Variants in BTBD9 observed in about 807,000 individuals in gnomAD.
BTBD9 encodes BTB/POZ domain-containing protein 9.
BTBD9 carries 49 observed loss-of-function variants against 64.3 expected under a neutral mutation model. That is an observed-to-expected ratio of 0.76 (90% CI 0.61 to 0.97). BTBD9 has a LOEUF of 0.97. BTBD9 is among the 50% of genes least tolerant of loss of function. The probability of loss-of-function intolerance (pLI) is 0.00; values close to 1 mark genes in which losing one functional copy is unlikely to be tolerated. For synonymous variants in BTBD9, 260 were observed against 274.7 expected (o/e 0.95, Z 0.53); for missense variants, 598 against 762.1 (o/e 0.78, Z 2.53).
At chr6:38,364,577 TA>T (rs1316178458) in intron 6 of BTBD9, among the ~76,000 whole-genome samples, 2 of 152,198 alleles carry the variant, frequency 1.3e-5, no homozygotes, top group African/African-American at 4.8e-5. Flanking sequence ...CCAGGAGATT[TA>T]AAAAACTGCA....
chr6:38,320,650 A>G (rs779906261), intron 7 of BTBD9, among the ~76,000 whole-genome samples: 1 of 152,194 alleles, frequency 6.6e-6, no homozygotes, highest in Non-Finnish European at 1.5e-5. Flanking sequence ...ACCTATAAAG[A>G]TAATAATCCC....
At chr6:38,274,329 G>T (rs1384244596) in intron 8 of BTBD9, among the ~76,000 whole-genome samples, 1 of 152,120 alleles carries the variant, frequency 6.6e-6, no homozygotes, top group East Asian at 1.9e-4. Flanking sequence ...CTGCAAACAG[G>T]GACAATTTGA....
At chr6:38,349,221 C>G (rs1356595708) in intron 6 of BTBD9, among the ~76,000 whole-genome samples, 2 of 152,100 alleles carry the variant, frequency 1.3e-5, no homozygotes, top group African/African-American at 4.8e-5. Context: ...GTTTCCTCCT[C>G]TATAAAATGA....
intron 6 of BTBD9, among the ~76,000 whole-genome samples, chr6:38,577,397 G>A (rs146435409): frequency 6.6e-6 from 1 of 152,192 alleles, no homozygotes; most frequent in East Asian, 1.9e-4. Flanking sequence ...TACAAGACAT[G>A]TTGTATAAAT....
chr6:38,585,879 T>C (rs944761916), intron 4 of BTBD9, among the ~76,000 whole-genome samples: 3 of 150,934 alleles, frequency 2.0e-5, no homozygotes, highest in African/African-American at 7.3e-5. Context: ...AATATCACAG[T>C]TGCAAGCTCC....
intron 6 of BTBD9, among the ~76,000 whole-genome samples, chr6:38,521,681 T>A (rs1056790754): frequency 6.6e-6 from 1 of 151,984 alleles, no homozygotes; most frequent in Admixed American, 6.5e-5. Context: ...CCTCACTACT[T>A]CTTTTTTTTT....
intron 7 of BTBD9, among the ~76,000 whole-genome samples, chr6:38,317,401 T>C (rs1311347351): frequency 3.9e-5 from 6 of 152,216 alleles, no homozygotes; most frequent in Admixed American, 3.9e-4. Flanking sequence ...TATTTGTTTC[T>C]TTTCTCTTGC....
intron 1 of BTBD9, among the ~76,000 whole-genome samples, chr6:38,612,359 T>A (rs771650453): frequency 6.6e-6 from 1 of 152,208 alleles, no homozygotes; most frequent in Non-Finnish European, 1.5e-5. Context: ...CTAGCCACAG[T>A]GGAATAAAGA....
intron 6 of BTBD9, among the ~76,000 whole-genome samples, chr6:38,368,826 T>C (rs1245725408): frequency 6.6e-6 from 1 of 152,012 alleles, no homozygotes; most frequent in African/African-American, 2.4e-5. Context: ...CTGCACACAT[T>C]TTCACACCTC....
intron 6 of BTBD9, among the ~76,000 whole-genome samples, chr6:38,386,630 CTTTTTTTTTT>C (rs11423572): frequency 2.2e-5 from 2 of 92,782 alleles, no homozygotes; most frequent in African/African-American, 4.5e-5. Context: ...CCAGTTTACT[CTTTTTTTTTT>C]TTTTTTTTTT....
chr6:38,280,322 TA>T (rs1189504967), intron 8 of BTBD9, among the ~76,000 whole-genome samples: 1 of 152,182 alleles, frequency 6.6e-6, no homozygotes, highest in East Asian at 1.9e-4. Flanking sequence ...CTGAGGGTGA[TA>T]AAAGAAGACT....
rs1025264603 is a variant in BTBD9 at position 38,590,351 on chromosome 6, T to C, written c.814+2225A>G. ...TAAGTCTCATAACAATGCTAGGAGA[T>C]ATAAAAGGTAAAATTCCTTAAATAA... On this transcript the variant is annotated intron_variant, in intron 4 of 10. Transcript: ENST00000481247. Among the ~76,000 whole-genome samples, 5 of 152,194 alleles carry C rather than the reference T, an allele frequency of 3.3e-5. No individual in the cohort carries two copies. In the East Asian group the frequency reaches 9.6e-4, roughly 29 times the overall value.
intron 7 of BTBD9, among the ~76,000 whole-genome samples, chr6:38,325,778 T>C (rs1042416613): frequency 6.6e-6 from 1 of 152,200 alleles, no homozygotes; most frequent in Non-Finnish European, 1.5e-5. Flanking sequence ...CTCAGAAAGA[T>C]TGTCTTATTT....
rs115128272 is a variant in BTBD9, at chr6:38,171,365, C to A, written c.*3620G>T. The A allele has an allele frequency of 1.3e-5, 2 of 152,222 alleles. No homozygotes were observed. Among genetic ancestry groups the A allele is most frequent in the African/African-American group, 4.8e-5 (2 of 41,562 alleles). 9.4% of individuals were successfully genotyped at this position (152,222 alleles called of 1,614,324 possible). ...ATCCTACTCTTGCTGAAAATAATTT[C>A]TTTTCCCAACTCTTCTAGGAATAAA... is the stretch of plus-strand genomic sequence containing the variant. On this transcript the variant is annotated 3_prime_UTR_variant, in exon 11 of 11. Transcript: ENST00000481247.
At chr6:38,252,067 G>A (rs1258814341) in intron 9 of BTBD9, among the ~76,000 whole-genome samples, 1 of 152,094 alleles carries the variant, frequency 6.6e-6, no homozygotes, top group Non-Finnish European at 1.5e-5. Flanking sequence ...ACCAAGAGAA[G>A]CTCCAACTAT....
intron 7 of BTBD9, among the ~76,000 whole-genome samples, chr6:38,290,054 A>G (rs543425880): frequency 1.6e-4 from 25 of 151,698 alleles, no homozygotes; most frequent in African/African-American, 4.8e-4. Context: ...TATGCAACTC[A>G]TTTATTTTCC....
chr6:38,418,939 T>C (rs1767791588), intron 6 of BTBD9, among the ~76,000 whole-genome samples: 1 of 152,004 alleles, frequency 6.6e-6, no homozygotes, highest in East Asian at 1.9e-4. Flanking sequence ...TGAGACCCTG[T>C]CTCTAAAAAT....
intron 9 of BTBD9, among the ~76,000 whole-genome samples, chr6:38,214,983 G>A (rs1439507327): frequency 7.2e-5 from 11 of 152,168 alleles, no homozygotes; most frequent in African/African-American, 2.2e-4. Context: ...CTTGGCACAC[G>A]GAAATCTCTC....
chr6:38,397,857 T>C (rs936257973), intron 6 of BTBD9, among the ~76,000 whole-genome samples: 3 of 152,228 alleles, frequency 2.0e-5, no homozygotes, highest in Non-Finnish European at 4.4e-5. Flanking sequence ...GGAAGTATAC[T>C]GGACAAACAA....
Sources: gnomAD v4.1 joint callset for allele counts (sites outside exome capture counted in the v4.1 genomes callset) on GRCh38, gnomAD v4.1.1 for gene constraint, MANE v1.5 for transcripts, NCBI Gene and HGNC (gene_info 2026-07-23, HGNC 2026-07-21) for gene names.